DNAH5: variants seen among roughly 807,000 people sequenced by gnomAD.
DNAH5 encodes axonemal beta dynein heavy chain 5.
A neutral mutation model predicts 518.2 loss-of-function variants in DNAH5; 372 were observed. That is an observed-to-expected ratio of 0.72 (90% CI 0.66 to 0.78). The LOEUF is 0.78. Among genes scored for constraint, DNAH5 ranks in the 30% least tolerant of loss-of-function variants. The probability of loss-of-function intolerance (pLI) is 0.00; values close to 1 mark genes in which losing one functional copy is unlikely to be tolerated. For synonymous variants in DNAH5, 2,039 were observed against 2,025.9 expected (o/e 1.01, Z -0.17); for missense variants, 5,523 against 5,687.0 (o/e 0.97, Z 0.93).
intron 35 of DNAH5, among the ~76,000 whole-genome samples, chr5:13,834,639 C>G (rs1333311909): frequency 6.6e-6 from 1 of 152,166 alleles, no homozygotes; most frequent in Non-Finnish European, 1.5e-5. Flanking sequence ...AGGTGACTCT[C>G]TAGCAGGGGA....
At chr5:13,875,036 C>A (rs1770682537) in intron 22 of DNAH5, among the ~76,000 whole-genome samples, 1 of 152,172 alleles carries the variant, frequency 6.6e-6, no homozygotes, top group South Asian at 2.1e-4. Context: ...TACATATATT[C>A]TCCCAGAAAC....
chr5:13,843,058 G>C lies in DNAH5; in HGVS notation c.5272-1154C>G, dbSNP rs145554934. Among the ~76,000 whole-genome samples the C allele has an allele frequency of 5.4e-3, 816 of 152,232 alleles. 13 individuals carry two copies. The highest frequency in any genetic ancestry group is 0.034 in the South Asian group (162 of 4,828). On this transcript the variant is annotated intron_variant, in intron 32 of 78. Coordinates refer to ENST00000265104, the MANE Select transcript of DNAH5 (RefSeq NM_001369.3). ...GAGGATTTAAGCGAAACATCAGAAA[G>C]AATTTTCTGATGAATTTAGTCCCTT...
chr5:13,930,440 T>C lies in DNAH5; in HGVS notation c.192+670A>G, dbSNP rs572176316. 1.2e-4 allele frequency among the ~76,000 whole-genome samples: 18 copies of C among 152,306 alleles called. No individual in the cohort carries two copies. In the East Asian group the frequency reaches 2.7e-3, roughly 23 times the overall value. On this transcript the variant is annotated intron_variant, in intron 2 of 78. Coordinates refer to ENST00000265104, the MANE Select transcript of DNAH5 (RefSeq NM_001369.3). Reference sequence around the variant, plus strand: ...TACCACTGAAAAGAATTCCCAACGGTGTGGCACCCTGTCAGCAAAAAGGGC... The same window carrying C: ...TACCACTGAAAAGAATTCCCAACGGCGTGGCACCCTGTCAGCAAAAAGGGC...
chr5:13,871,041 C>T, intron 23 of DNAH5, 39 bp from the exon 24 acceptor site: 1 of 1,516,142 alleles, frequency 6.6e-7, no homozygotes, highest in East Asian at 2.3e-5. Flanking sequence ...GTTTTAAAAA[C>T]TCGAATCAGT....
intron 75 of DNAH5, 25 bp from the exon 76 acceptor site, chr5:13,708,360 ATGTTAACAAT>A (rs1467651324): frequency 1.2e-6 from 2 of 1,611,686 alleles, no homozygotes; most frequent in Non-Finnish European, 1.7e-6. Flanking sequence ...TTCAAAGCAC[ATGTTAACAAT>A]TAGCTACTAA....
chr5:13,969,732 G>T (rs917731269), intron 1 of DNAH5, among the ~76,000 whole-genome samples: 1 of 152,086 alleles, frequency 6.6e-6, no homozygotes, highest in Non-Finnish European at 1.5e-5. Context: ...CTGTCACATG[G>T]TCTATCTTGG....
chr5:14,003,830 C>T (rs1476383367), intron 1 of DNAH5, among the ~76,000 whole-genome samples: 1 of 152,208 alleles, frequency 6.6e-6, no homozygotes, highest in African/African-American at 2.4e-5. Flanking sequence ...CTGCTGGGAG[C>T]AGGCCCAAAG....
chr5:13,929,374 G>A (rs1026152662), intron 2 of DNAH5, among the ~76,000 whole-genome samples: 31 of 152,132 alleles, frequency 2.0e-4, no homozygotes, highest in Admixed American at 1.4e-3. Flanking sequence ...TGGGTACAGC[G>A]TTTCTGTTTT....
rs762673561 is a variant in DNAH5, at chr5:13,717,389, C to A, written c.12631G>T (p.Glu4211Ter). ...GCATTAAAGTCCGCTTGGTTAAATT[C>A]GTAGGGGATATTCCACCCCAGGGCA... Reference protein sequence around the residue: ...FGALGWNIPYEFNQADFNATV... With the variant: ...FGALGWNIPY Residue 4211 changes from glutamate to a stop codon, truncating the protein, a stop_gained, in exon 73 of 79, where the codon GAA (glutamate) becomes TAA (stop). Transcript: ENST00000265104. LOFTEE classifies it high-confidence loss of function. 1.4e-5 allele frequency: 23 copies of A among 1,613,896 alleles called. No homozygotes were observed. Among genetic ancestry groups the A allele is most frequent in the Non-Finnish European group, 1.9e-5 (23 of 1,179,994 alleles).
Position 13,900,471 on chromosome 5 carries a change from G to A in DNAH5, c.2053-59C>T, listed in dbSNP as rs1441341923. The A allele has an allele frequency of 3.0e-6, 4 of 1,352,106 alleles. No homozygotes were observed. The African/African-American group carries it at 5.8e-5, about 19-fold the overall frequency. 83.8% of individuals were successfully genotyped at this position (1,352,106 alleles called of 1,614,324 possible). A position where few individuals can be genotyped will look rare whatever the true frequency, so the allele number is the denominator to read the frequency against. ...AAGTTCAATTCATGCAGAGTATCTA[G>A]CTCAGCTATCTCTAGGAATAAGGAT... On this transcript the variant is annotated intron_variant, in intron 14 of 78. Coordinates refer to ENST00000265104, the MANE Select transcript of DNAH5 (RefSeq NM_001369.3).
chr5:13,869,726 A>T (rs929988519), intron 24 of DNAH5, among the ~76,000 whole-genome samples: 3 of 152,162 alleles, frequency 2.0e-5, no homozygotes, highest in Non-Finnish European at 4.4e-5. Context: ...TATTATGGTA[A>T]TTCTGAAGTT....
chr5:13,916,666 C>T (rs570507188), intron 8 of DNAH5, among the ~76,000 whole-genome samples: 3 of 151,860 alleles, frequency 2.0e-5, no homozygotes, highest in South Asian at 4.2e-4. Context: ...GTGGAAGAAA[C>T]ATTGACCCAC....
At chr5:13,930,477 CT>C (rs1221742891) in intron 2 of DNAH5, among the ~76,000 whole-genome samples, 5 of 152,042 alleles carry the variant, frequency 3.3e-5, no homozygotes, top group Admixed American at 6.6e-5. Context: ...TGTCTTCTTT[CT>C]TTTTTTTCCT....
chr5:13,809,204 C>T lies in DNAH5; in HGVS notation c.7610-18G>A. 4 of 1,613,786 alleles carry T rather than the reference C, an allele frequency of 2.5e-6. No individual in the cohort carries two copies. The East Asian group carries it at 6.7e-5, about 27-fold the overall frequency. Reference sequence around the variant, plus strand: ...CCATGTACCTAAGGTGAGCAGAGGACATTTCCATCTCCATATTAATAATTC... The same window carrying T: ...CCATGTACCTAAGGTGAGCAGAGGATATTTCCATCTCCATATTAATAATTC... On this transcript the variant is annotated intron_variant, in intron 45 of 78. Coordinates refer to ENST00000265104, the MANE Select transcript of DNAH5 (RefSeq NM_001369.3).
At chr5:13,804,352 G>A (rs748557157) in intron 47 of DNAH5, among the ~76,000 whole-genome samples, 12 of 152,176 alleles carry the variant, frequency 7.9e-5, no homozygotes, top group Non-Finnish European at 1.3e-4. Context: ...ACAGATACGC[G>A]CCCTTCGTTG....
chr5:13,770,265 A>T (rs1381381684), intron 56 of DNAH5, among the ~76,000 whole-genome samples: 1 of 152,188 alleles, frequency 6.6e-6, no homozygotes, highest in South Asian at 2.1e-4. Context: ...GATACTCCTT[A>T]GGCAGTGAAC....
chr5:13,752,688 G>A (rs1184111521), intron 63 of DNAH5, among the ~76,000 whole-genome samples: 1 of 152,182 alleles, frequency 6.6e-6, no homozygotes, highest in African/African-American at 2.4e-5. Flanking sequence ...AAACACTTCG[G>A]ATCCCAAGTA....
rs1760418844 is a variant in DNAH5 at position 13,810,183 on chromosome 5, C to T, written c.7485G>A (p.Ala2495=). ...GGCGGCGCCGTCCGTCCAGCTCCAG[C>T]GCCGCCCCCGCGCTCCACAGCAGCG... The part of the protein sequence containing the change: ...VFALLWSAGA[A]LELDGRRRLE... Residue 2495 remains alanine (A), a synonymous_variant, in exon 45 of 79, where the codon GCG becomes GCA. Transcript: ENST00000265104. 1.3e-6 allele frequency: 2 copies of T among 1,549,014 alleles called. No individual in the cohort carries two copies. The highest frequency in any genetic ancestry group is 1.7e-4 in the Middle Eastern group (1 of 5,958).
chr5:13,867,627 T>A, intron 25 of DNAH5, 147 bp downstream of exon 25: 1 of 736,418 alleles, frequency 1.4e-6, no homozygotes, highest in Non-Finnish European at 2.4e-6. Flanking sequence ...AAAAAAAATG[T>A]TTTTCTCTCA....
Sources: gnomAD v4.1 joint callset for allele counts (sites outside exome capture counted in the v4.1 genomes callset) on GRCh38, gnomAD v4.1.1 for gene constraint, MANE v1.5 for transcripts, NCBI Gene and HGNC (gene_info 2026-07-23, HGNC 2026-07-21) for gene names.